DCC: variants seen among roughly 807,000 people sequenced by gnomAD.
DCC encodes the protein netrin receptor DCC.
Under a neutral mutation model 172.5 loss-of-function variants are expected in DCC, and 58 were observed. The observed-to-expected ratio is 0.34, with a 90% confidence interval of 0.27 to 0.42. The LOEUF (loss-of-function observed/expected upper bound fraction) is 0.42. Ranked by LOEUF, DCC falls within the 10% of genes least tolerant of loss-of-function variation. The pLI, the probability that DCC is intolerant of heterozygous loss-of-function variation, is 1.00. For synonymous variants in DCC, 709 were observed against 644.5 expected, an observed-to-expected ratio of 1.10 and a Z score of -1.52; for missense variants, 1,740 against 1,791.0, an observed-to-expected ratio of 0.97 and a Z score of 0.51.
chr18:53,151,830 A>G (rs12454839), intron 7 of DCC, among the ~76,000 whole-genome samples: 47,198 of 151,956 alleles, frequency 0.31, 9,174 homozygotes, highest in East Asian at 0.59. Flanking sequence ...CATTTTAGAA[A>G]AAATATTATT....
chr18:53,225,581 A>G (rs1386069432), intron 12 of DCC, among the ~76,000 whole-genome samples: 2 of 152,148 alleles, frequency 1.3e-5, no homozygotes, highest in African/African-American at 4.8e-5. Context: ...TGCAGAGACG[A>G]TAAGTGTAAG....
At chr18:53,270,553 G>A (rs2056737394) in intron 12 of DCC, among the ~76,000 whole-genome samples, 2 of 151,996 alleles carry the variant, frequency 1.3e-5, no homozygotes, top group Non-Finnish European at 2.9e-5. Context: ...TTGCTTCCTG[G>A]GATTCATATA....
At chr18:52,510,173 C>T (rs1231033587) in intron 1 of DCC, among the ~76,000 whole-genome samples, 2 of 151,856 alleles carry the variant, frequency 1.3e-5, no homozygotes, top group African/African-American at 2.4e-5. Flanking sequence ...CTTAGGGCCA[C>T]TCCTTGGTCC....
intron 1 of DCC, among the ~76,000 whole-genome samples, chr18:52,713,496 T>G (rs1408094971): frequency 6.6e-6 from 1 of 152,158 alleles, no homozygotes; most frequent in Non-Finnish European, 1.5e-5. Context: ...CTGGGGTGCT[T>G]GATGGCCTCT....
At chr18:53,521,657 A>G (rs567792919) in intron 27 of DCC, among the ~76,000 whole-genome samples, 2 of 152,224 alleles carry the variant, frequency 1.3e-5, no homozygotes, top group South Asian at 4.1e-4. Flanking sequence ...TTCACTTTTT[A>G]TTGTAGATAC....
chr18:53,086,042 CCCT>C (rs756554378), intron 7 of DCC, among the ~76,000 whole-genome samples: 4 of 1,176 alleles, frequency 3.4e-3, no homozygotes, highest in Admixed American at 4.8e-3. Context: ...CTCTCCCTCT[CCCT>C]CTCCTTCTCC....
chr18:53,002,997 C>T (rs756424401), intron 5 of DCC, among the ~76,000 whole-genome samples: 7 of 152,204 alleles, frequency 4.6e-5, no homozygotes, highest in East Asian at 1.9e-4. Context: ...AGAAAGGAAC[C>T]TCTACCCTTA....
At chr18:52,775,005 A>G (rs2037404450) in intron 2 of DCC, among the ~76,000 whole-genome samples, 4 of 152,156 alleles carry the variant, frequency 2.6e-5, no homozygotes, top group Admixed American at 2.6e-4. Flanking sequence ...GCCCAGTTAG[A>G]GTGGAGTTTT....
At chr18:52,561,848 A>G (rs1289589440) in intron 1 of DCC, among the ~76,000 whole-genome samples, 8 of 152,190 alleles carry the variant, frequency 5.3e-5, no homozygotes, top group Admixed American at 2.0e-4. Flanking sequence ...AAACTCCTCA[A>G]TCCATTTTTC....
At chr18:52,653,466 A>G (rs2035182943) in intron 1 of DCC, among the ~76,000 whole-genome samples, 1 of 152,226 alleles carries the variant, frequency 6.6e-6, no homozygotes, top group Non-Finnish European at 1.5e-5. Flanking sequence ...TATTGATCTT[A>G]GTAATCCATC....
At chr18:52,624,026 C>CT (rs1351881123) in intron 1 of DCC, among the ~76,000 whole-genome samples, 9 of 152,266 alleles carry the variant, frequency 5.9e-5, no homozygotes, top group East Asian at 3.9e-4. Context: ...TTGGTTTCAT[C>CT]TCCCCAACCC....
intron 1 of DCC, among the ~76,000 whole-genome samples, chr18:52,416,313 T>A (rs1246620640): frequency 6.6e-6 from 1 of 151,898 alleles, no homozygotes; most frequent in Non-Finnish European, 1.5e-5. Context: ...AATTTTGGAA[T>A]AGGTGTGGTG....
At position 53,138,899 on chromosome 18, in the gene DCC, T is replaced by A. The variant is rs575483388; in HGVS notation, c.1262-18457T>A. 3.9e-5 allele frequency among the ~76,000 whole-genome samples: 6 copies of A among 152,296 alleles called. No individual in the cohort carries two copies. The South Asian group carries it at 1.2e-3, about 32-fold the overall frequency. On this transcript the variant is annotated intron_variant, in intron 7 of 28. Transcript: ENST00000442544. The stretch of plus-strand genomic sequence containing the variant: ...TTATACAATACTTAGCACGCAATAT[T>A]CACTTTCTAATACCAGAAAGGCAGC...
intron 25 of DCC, among the ~76,000 whole-genome samples, chr18:53,470,728 A>T (rs117535569): frequency 0.025 from 3,763 of 152,166 alleles, 76 homozygotes; most frequent in Non-Finnish European, 0.034. Flanking sequence ...GGAAAGAGAG[A>T]GAGAGAGAAA....
chr18:53,423,651 A>G (rs1395038524), intron 21 of DCC, among the ~76,000 whole-genome samples: 2 of 151,802 alleles, frequency 1.3e-5, no homozygotes, highest in Admixed American at 1.3e-4. Context: ...CTTGTCTTTT[A>G]TTCACCTGTA....
intron 16 of DCC, among the ~76,000 whole-genome samples, chr18:53,388,199 G>A (rs755462495): frequency 2.7e-4 from 41 of 152,192 alleles, no homozygotes; most frequent in South Asian, 8.3e-4. Context: ...AGAAGAATGC[G>A]TGATTCCAGC....
chr18:52,748,123 G>A lies in DCC; in HGVS notation c.92-3931G>A, dbSNP rs144155157. Among the ~76,000 whole-genome samples, 1,119 of 152,312 alleles carry A rather than the reference G, an allele frequency of 7.3e-3. 15 individuals carry two copies. The highest frequency in any genetic ancestry group is 0.025 in the African/African-American group (1,059 of 41,570). On this transcript the variant is annotated intron_variant, in intron 1 of 28. Coordinates refer to ENST00000442544, the MANE Select transcript of DCC (RefSeq NM_005215.4). ...TGTGAGTGAGTGAGTGCGGAATCCA[G>A]CCACCACCGCACAGAGCCAGGTGCG...
At chr18:52,636,116 G>A (rs1262371651) in intron 1 of DCC, among the ~76,000 whole-genome samples, 10 of 152,132 alleles carry the variant, frequency 6.6e-5, no homozygotes, top group African/African-American at 2.4e-4. Context: ...AGAAATTTCT[G>A]ACTTTACCTG....
In DCC at chr18:53,206,319, A is replaced by G. The variant is rs1170692690; in HGVS notation, c.1722+955A>G. Among the ~76,000 whole-genome samples the G allele has an allele frequency of 2.0e-4, 18 of 90,958 alleles. 1 individual carries two copies. Among genetic ancestry groups the G allele is most frequent in the African/African-American group, 7.6e-4 (18 of 23,568 alleles). The allele number at this position is 90,958 out of a possible 152,430, so 59.7% of individuals were successfully genotyped here. ...TGTATTGTAACACATATATACATAT[A>G]TGTATTGTAACACATATATGTATAT... On this transcript the variant is annotated intron_variant, in intron 10 of 28. Coordinates refer to ENST00000442544, the MANE Select transcript of DCC (RefSeq NM_005215.4).
Sources: gnomAD v4.1 joint callset for allele counts (sites outside exome capture counted in the v4.1 genomes callset) on GRCh38, gnomAD v4.1.1 for gene constraint, MANE v1.5 for transcripts, NCBI Gene and HGNC (gene_info 2026-07-23, HGNC 2026-07-21) for gene names.